The following WDPCP variants were observed in gnomAD, a reference collection of about 807,000 sequenced individuals.
The protein encoded by WDPCP is WD repeat-containing and planar cell polarity effector protein fritz homolog.
WDPCP carries 71 observed loss-of-function variants against 93.1 expected under a neutral mutation model. The observed-to-expected ratio is 0.76, with a 90% CI of 0.63 to 0.93. The LOEUF is 0.93. Among genes scored for constraint, WDPCP ranks in the 40% least tolerant of loss-of-function variants. WDPCP has a pLI of 0.00. For missense variants in WDPCP, 844 were observed against 887.4 expected, an observed-to-expected ratio of 0.95 and a Z score of 0.62; for synonymous variants, 315 against 315.0, an observed-to-expected ratio of 1.00 and a Z score of 0.00.
intron 2 of WDPCP, among the ~76,000 whole-genome samples, chr2:63,785,126 AG>A (rs1339101160): frequency 2.6e-5 from 4 of 152,178 alleles, no homozygotes; most frequent in Non-Finnish European, 5.9e-5. Context: ...AATTACACTG[AG>A]TTGGTTTTTT....
At position 63,525,328 on chromosome 2, in the gene WDPCP, T is replaced by C. The variant is rs114868712; in HGVS notation, c.76-32388A>G. On this transcript the variant is annotated intron_variant, in intron 1 of 17. Coordinates refer to ENST00000272321, the MANE Select transcript of WDPCP (RefSeq NM_015910.7). Reference sequence around the variant, plus strand: ...ATTTCCTGGGTGACAAAATAATCTGTACACCAAACCTCTGTGACATGCAAT... The same window carrying C: ...ATTTCCTGGGTGACAAAATAATCTGCACACCAAACCTCTGTGACATGCAAT... 3.8e-3 allele frequency among the ~76,000 whole-genome samples: 576 copies of C among 152,188 alleles called. 4 individuals are homozygous for C. The highest frequency in any genetic ancestry group is 0.013 in the African/African-American group (539 of 41,522).
intron 3 of WDPCP, chr2:63,643,052 C>G (rs1415110040): frequency 6.5e-6 from 1 of 153,622 alleles, no homozygotes; most frequent in Non-Finnish European, 1.4e-5. Flanking sequence ...TGAATTTTAT[C>G]AAATGCTTTT....
chr2:63,378,655 C>T, intron 11 of WDPCP, 146 bp from the exon 12 acceptor site: 1 of 1,157,560 alleles, frequency 8.6e-7, no homozygotes, highest in East Asian at 2.6e-5. Context: ...AATATGACAG[C>T]TGGTACAAAA....
Position 63,121,741 on chromosome 2 carries a change from A to G in WDPCP, c.*265T>C. 1 of 799,956 alleles carries G rather than the reference A, an allele frequency of 1.3e-6. No individual in the cohort carries two copies. Among genetic ancestry groups the G allele is most frequent in the Non-Finnish European group, 1.7e-6 (1 of 573,084 alleles). 49.6% of individuals were successfully genotyped at this position (799,956 alleles called of 1,614,324 possible). A position where few individuals can be genotyped will look rare whatever the true frequency, so the allele number is the denominator to read the frequency against. On this transcript the variant is annotated 3_prime_UTR_variant, in exon 18 of 18. Coordinates refer to ENST00000272321, the MANE Select transcript of WDPCP (RefSeq NM_015910.7). ...TCTATTTTTGTAGCACCTAATTAAC[A>G]TACAATTTAAGACACTTTCAAAATT...
chr2:63,374,543 C>G (rs1691683896), intron 12 of WDPCP, among the ~76,000 whole-genome samples: 1 of 152,008 alleles, frequency 6.6e-6, no homozygotes, highest in African/African-American at 2.4e-5. Flanking sequence ...TATGCTCTAT[C>G]AGCGAAAAGT....
chr2:63,753,119 G>C (rs913462355), intron 2 of WDPCP, among the ~76,000 whole-genome samples: 3 of 151,968 alleles, frequency 2.0e-5, no homozygotes, highest in Non-Finnish European at 4.4e-5. Context: ...GTCCGTTCTT[G>C]CACTGCTATG....
intron 13 of WDPCP, among the ~76,000 whole-genome samples, chr2:63,312,370 G>A (rs1358806332): frequency 6.6e-6 from 1 of 152,054 alleles, no homozygotes; most frequent in Non-Finnish European, 1.5e-5. Context: ...AGTATTTCTG[G>A]CTTTCAAGAG....
chr2:63,467,027 GTGTT>G (rs1699385505), intron 6 of WDPCP, among the ~76,000 whole-genome samples: 1 of 152,148 alleles, frequency 6.6e-6, no homozygotes, highest in Non-Finnish European at 1.5e-5. Flanking sequence ...AGAAGACCAA[GTGTT>G]TCTTTGTGTC....
intron 2 of WDPCP, among the ~76,000 whole-genome samples, chr2:63,760,585 CCCT>C (rs1290501385): frequency 6.6e-6 from 1 of 151,534 alleles, no homozygotes; most frequent in Non-Finnish European, 1.5e-5. Context: ...TCTCATTTTC[CCCT>C]CCTCCTAGGG....
intron 12 of WDPCP, among the ~76,000 whole-genome samples, chr2:63,345,759 T>A (rs897454193): frequency 6.6e-6 from 1 of 152,196 alleles, no homozygotes; most frequent in Non-Finnish European, 1.5e-5. Flanking sequence ...TTGAGTATTC[T>A]GATACTGCAG....
chr2:63,191,887 A>G (rs1675072991), intron 14 of WDPCP, among the ~76,000 whole-genome samples: 1 of 152,216 alleles, frequency 6.6e-6, no homozygotes, highest in Non-Finnish European at 1.5e-5. Context: ...TTATTGGAGC[A>G]TAGCCATGCT....
intron 9 of WDPCP, among the ~76,000 whole-genome samples, chr2:63,414,496 CATAT>C (rs1553382293): frequency 6.7e-6 from 1 of 149,620 alleles, no homozygotes; most frequent in Non-Finnish European, 1.5e-5. Context: ...CACACACACA[CATAT>C]ATATACACAC....
In WDPCP at chr2:63,336,939, G is replaced by A. The variant is rs192390802; in HGVS notation, c.1749-23628C>T. Among the ~76,000 whole-genome samples, 60 of 132,528 alleles carry A rather than the reference G, an allele frequency of 4.5e-4. No individual in the cohort carries two copies. The East Asian group carries it at 0.012, about 26-fold the overall frequency. 86.9% of individuals were successfully genotyped at this position (132,528 alleles called of 152,430 possible). ...AGACAGAGTCTCGCTCTGTCACCAG[G>A]TTGGAGTGCAGTGGCATGATCTCAG... is the stretch of plus-strand genomic sequence containing the variant. On this transcript the variant is annotated intron_variant, in intron 12 of 17. Coordinates refer to ENST00000272321, the MANE Select transcript of WDPCP (RefSeq NM_015910.7).
At chr2:63,676,786 TACACATACACAC>T (rs1318520274) in intron 2 of WDPCP, among the ~76,000 whole-genome samples, 1 of 53,174 alleles carries the variant, frequency 1.9e-5, no homozygotes, top group Non-Finnish European at 3.0e-5. Flanking sequence ...TGCATAGAAC[TACACATACACAC>T]ACACACACAC....
intron 14 of WDPCP, among the ~76,000 whole-genome samples, chr2:63,227,816 C>T (rs1678424110): frequency 6.6e-6 from 1 of 151,978 alleles, no homozygotes; most frequent in Non-Finnish European, 1.5e-5. Flanking sequence ...TCCTATATTC[C>T]CTAACCTTGA....
At chr2:63,158,169 T>A (rs1321692405) in intron 15 of WDPCP, among the ~76,000 whole-genome samples, 5 of 152,228 alleles carry the variant, frequency 3.3e-5, no homozygotes, top group Admixed American at 1.3e-4. Context: ...ATTCCCATTA[T>A]GGTCAGAGGA....
chr2:63,657,452 C>T (rs578089347), intron 2 of WDPCP, among the ~76,000 whole-genome samples: 32 of 152,002 alleles, frequency 2.1e-4, no homozygotes, highest in Non-Finnish European at 3.7e-4. Context: ...GTGATCTGCC[C>T]GCCTCGGCCT....
chr2:63,205,864 G>C (rs1676298422), intron 14 of WDPCP, among the ~76,000 whole-genome samples: 1 of 152,160 alleles, frequency 6.6e-6, no homozygotes, highest in African/African-American at 2.4e-5. Flanking sequence ...GTACTATGTT[G>C]AGTAACAGTG....
chr2:63,802,224 T>C (rs555579704), intron 2 of WDPCP, among the ~76,000 whole-genome samples: 23 of 125,868 alleles, frequency 1.8e-4, no homozygotes, highest in Admixed American at 1.8e-3. Flanking sequence ...CGTGGGCAGA[T>C]CACTTGCATC....
Sources: gnomAD v4.1 joint callset for allele counts (sites outside exome capture counted in the v4.1 genomes callset) on GRCh38, gnomAD v4.1.1 for gene constraint, MANE v1.5 for transcripts, NCBI Gene and HGNC (gene_info 2026-07-23, HGNC 2026-07-21) for gene names.